FRMPD4: variants seen among roughly 807,000 people sequenced by gnomAD.
FRMPD4 encodes the protein FERM and PDZ domain-containing protein 4.
Under a neutral mutation model 94.1 loss-of-function variants are expected in FRMPD4, and 22 were observed. The ratio of observed to expected loss-of-function variants is 0.23; its 90% confidence interval spans 0.17 to 0.33. The LOEUF (loss-of-function observed/expected upper bound fraction) is 0.33, where lower values mean the gene tolerates loss of function less well. Ranked by LOEUF, FRMPD4 falls within the 10% of genes least tolerant of loss-of-function variation. The pLI, the probability that FRMPD4 is intolerant of heterozygous loss-of-function variation, is 1.00. For synonymous variants in FRMPD4, 631 were observed against 548.6 expected (o/e 1.15, Z -2.10); for missense variants, 1,111 against 1,339.9 (o/e 0.83, Z 2.67).
chrX:12,289,627 T>C (rs1569219714), intron 1 of FRMPD4, among the ~76,000 whole-genome samples: 1 of 111,414 alleles, frequency 9.0e-6, no homozygotes, highest in Non-Finnish European at 1.9e-5. Flanking sequence ...TACAAGGCAG[T>C]GAGATGGGTC....
At chrX:12,109,067 G>A (rs2055329771) in intron 3 of FRMPD4, among the ~76,000 whole-genome samples, 1 of 111,538 alleles carries the variant, frequency 9.0e-6, no homozygotes, top group African/African-American at 3.3e-5. Context: ...TCTGCACCAA[G>A]CGGACCTAAT....
At chrX:12,235,721 C>G (rs1412158877) in intron 1 of FRMPD4, among the ~76,000 whole-genome samples, 1 of 112,079 alleles carries the variant, frequency 8.9e-6, no homozygotes, top group Admixed American at 9.5e-5. Flanking sequence ...TTATCCAGAG[C>G]CATCGCTCAA....
chrX:12,016,188 A>C (rs1286273167), intron 3 of FRMPD4, among the ~76,000 whole-genome samples: 1 of 111,793 alleles, frequency 8.9e-6, no homozygotes, highest in Non-Finnish European at 1.9e-5. Context: ...AAGAAAGTTG[A>C]GAGTGAGGCC....
chrX:12,283,044 A>T (rs1236802974), intron 1 of FRMPD4, among the ~76,000 whole-genome samples: 4 of 113,013 alleles, frequency 3.5e-5, no homozygotes, highest in Non-Finnish European at 5.6e-5. Context: ...GAAAGTTCCA[A>T]TGGACAGCGC....
rs149493492 is a variant in FRMPD4 at position 12,669,833 on chromosome X, C to A, written c.423-5030C>A. 8.5e-3 allele frequency among the ~76,000 whole-genome samples: 951 copies of A among 112,252 alleles called. 8 individuals carry two copies. Among genetic ancestry groups the A allele is most frequent in the Non-Finnish European group, 0.014 (741 of 53,218 alleles). On this transcript the variant is annotated intron_variant, in intron 4 of 16. Coordinates refer to ENST00000675598, the MANE Select transcript of FRMPD4 (RefSeq NM_001368397.1). ...AGTCTTTAGAATGAGTGCAGCCCAGCTGACACCTTGATTTTAGCCCAGCAA... is the reference window on the plus strand; with the variant it reads ...AGTCTTTAGAATGAGTGCAGCCCAGATGACACCTTGATTTTAGCCCAGCAA...
intron 1 of FRMPD4, among the ~76,000 whole-genome samples, chrX:12,399,699 C>T (rs2056587120): frequency 9.0e-6 from 1 of 111,447 alleles, no homozygotes; most frequent in Admixed American, 9.5e-5. Context: ...TAAAGGTCTT[C>T]ATCCTCAACA....
chrX:12,486,577 T>C lies in FRMPD4; in HGVS notation c.42-12103T>C, dbSNP rs148790671. Among the ~76,000 whole-genome samples the C allele has an allele frequency of 7.1e-5, 8 of 112,626 alleles. No homozygotes were observed. The East Asian group carries it at 2.2e-3, about 31-fold the overall frequency. On this transcript the variant is annotated intron_variant, in intron 1 of 16. Coordinates refer to ENST00000675598, the MANE Select transcript of FRMPD4 (RefSeq NM_001368397.1). ...TAGCAAGTCATACATGGTTACAATA[T>C]AGCTGTTTCCCACAATTTGTAACTC...
At chrX:12,474,768 T>C (rs1479658905) in intron 1 of FRMPD4, among the ~76,000 whole-genome samples, 1 of 111,119 alleles carries the variant, frequency 9.0e-6, no homozygotes, top group African/African-American at 3.3e-5. Context: ...CAGGAAGAAG[T>C]TGAATCTCTC....
chrX:12,482,178 C>T (rs2057695291), intron 1 of FRMPD4, among the ~76,000 whole-genome samples: 1 of 109,610 alleles, frequency 9.1e-6, no homozygotes, highest in African/African-American at 3.3e-5. Flanking sequence ...GCAGTTTAAC[C>T]CTATGTTGCT....
At chrX:12,433,741 G>C (rs2057033744) in intron 1 of FRMPD4, among the ~76,000 whole-genome samples, 1 of 112,136 alleles carries the variant, frequency 8.9e-6, no homozygotes, top group Non-Finnish European at 1.9e-5. Flanking sequence ...AGCAAAAGCA[G>C]AAGAGCAACC....
At chrX:12,229,001 T>G (rs1417426381) in intron 1 of FRMPD4, among the ~76,000 whole-genome samples, 2 of 112,365 alleles carry the variant, frequency 1.8e-5, no homozygotes, top group Non-Finnish European at 3.8e-5. Context: ...TAAATTAGTT[T>G]TTTATCTCTT....
At chrX:11,971,863 A>G (rs2054342029) in intron 3 of FRMPD4, among the ~76,000 whole-genome samples, 1 of 112,599 alleles carries the variant, frequency 8.9e-6, no homozygotes, top group South Asian at 3.6e-4. Context: ...ATATACTGCA[A>G]TATTACAAAT....
intron 1 of FRMPD4, among the ~76,000 whole-genome samples, chrX:12,179,958 A>T (rs2147666764): frequency 9.1e-6 from 1 of 109,627 alleles, no homozygotes; most frequent in South Asian, 4.0e-4. Context: ...TTTGCCATTA[A>T]CTGTCATGGA....
intron 2 of FRMPD4, among the ~76,000 whole-genome samples, chrX:12,582,705 A>C (rs1043683633): frequency 9.0e-6 from 1 of 111,477 alleles, no homozygotes; most frequent in Non-Finnish European, 1.9e-5. Flanking sequence ...TTATCCTCCT[A>C]CAGGCTCCTT....
At chrX:12,352,599 G>C (rs928013690) in intron 1 of FRMPD4, among the ~76,000 whole-genome samples, 1 of 112,236 alleles carries the variant, frequency 8.9e-6, no homozygotes, top group Non-Finnish European at 1.9e-5. Context: ...TAGCCATTCT[G>C]ATGAGTACAC....
At chrX:12,553,885 A>C (rs1177432986) in intron 2 of FRMPD4, among the ~76,000 whole-genome samples, 1 of 112,149 alleles carries the variant, frequency 8.9e-6, no homozygotes, top group Non-Finnish European at 1.9e-5. Context: ...TTTGGTGCCT[A>C]ATTTATGACC....
At chrX:12,358,429 C>T (rs1441829476) in intron 1 of FRMPD4, among the ~76,000 whole-genome samples, 2 of 111,228 alleles carry the variant, frequency 1.8e-5, no homozygotes, top group Admixed American at 1.9e-4. Context: ...TCTTGTATAT[C>T]TATTTGGTGA....
At chrX:12,630,257 G>T (rs756901837) in intron 4 of FRMPD4, among the ~76,000 whole-genome samples, 2 of 112,624 alleles carry the variant, frequency 1.8e-5, no homozygotes, top group Admixed American at 9.3e-5. Flanking sequence ...AATATTTTAC[G>T]CATTGCAGGC....
rs748110234 is a variant in FRMPD4, at chrX:11,888,479, G to T, written c.95+10461G>T. On this transcript the variant is annotated intron_variant, in intron 3 of 18. Transcript: ENST00000640291. Reference sequence around the variant, plus strand: ...GGTCTATTTAAAATTATCATCCTCTGTGTAAAGGACATCTGATACTTTCTA... The same window carrying T: ...GGTCTATTTAAAATTATCATCCTCTTTGTAAAGGACATCTGATACTTTCTA... Among the ~76,000 whole-genome samples, 5 of 112,205 alleles carry T rather than the reference G, an allele frequency of 4.5e-5. No homozygotes were observed. In the East Asian group the frequency reaches 1.1e-3, roughly 25 times the overall value.
Sources: allele counts gnomAD v4.1 joint callset (sites outside exome capture counted in the v4.1 genomes callset), GRCh38; gene constraint gnomAD v4.1.1; transcripts MANE v1.5; gene names NCBI Gene and HGNC (gene_info 2026-07-23, HGNC 2026-07-21).